Variants in C18orf63 observed in about 807,000 individuals in gnomAD.
C18orf63 encodes the protein uncharacterized protein C18orf63.
A neutral mutation model predicts 75.3 loss-of-function variants in C18orf63; 50 were observed. The ratio of observed to expected loss-of-function variants is 0.66; its 90% confidence interval spans 0.53 to 0.84. The LOEUF is 0.84. C18orf63 is among the 40% of genes least tolerant of loss of function. The pLI, the probability that C18orf63 is intolerant of heterozygous loss-of-function variation, is 0.00. For missense variants in C18orf63, 732 were observed against 800.2 expected, an observed-to-expected ratio of 0.91 and a Z score of 1.03; for synonymous variants, 232 against 267.6, an observed-to-expected ratio of 0.87 and a Z score of 1.30.
chr18:74,343,380 T>C, intron 10 of C18orf63, 139 bp from the exon 11 acceptor site: 1 of 491,118 alleles, frequency 2.0e-6, no homozygotes. Flanking sequence ...GTGGATGGTA[T>C]CAGATAAGCA....
intron 5 of C18orf63, 39 bp downstream of exon 5, chr18:74,328,097 A>G: frequency 8.6e-7 from 1 of 1,167,236 alleles, no homozygotes. Context: ...TTTCTGAACT[A>G]GATTACGTCT....
At chr18:74,337,703 T>C (rs776389552) in intron 7 of C18orf63, among the ~76,000 whole-genome samples, 1 of 152,174 alleles carries the variant, frequency 6.6e-6, no homozygotes, top group Non-Finnish European at 1.5e-5. Context: ...TCATTCTGCG[T>C]GTCCTTGCTC....
At chr18:74,341,733 C>CAA (rs11415690) in intron 8 of C18orf63, among the ~76,000 whole-genome samples, 1 of 136,582 alleles carries the variant, frequency 7.3e-6, no homozygotes, top group African/African-American at 2.6e-5. Context: ...TGGTCTACCA[C>CAA]AAAAAAAAAA....
rs1984703254 is a variant in C18orf63, at chr18:74,353,380, G to A, written c.1113G>A (p.Glu371=). ...PCSVAVDHKV[E]LSVSQPTSGI... is the part of the protein sequence containing the mutation. ...CAGTAGCAGTGGACCACAAGGTGGA[G>A]CTTTCAGTCAGCCAGCCAACATCAG... The change falls in exon 12 of 14, where the codon GAG becomes GAA. Residue 371 remains glutamate (E), a synonymous_variant. Transcript: ENST00000579455. 2.0e-6 allele frequency: 3 copies of A among 1,536,230 alleles called. No individual in the cohort carries two copies. Among genetic ancestry groups the A allele is most frequent in the African/African-American group, 1.4e-5 (1 of 73,026 alleles).
chr18:74,344,174 T>C (rs905958419), intron 11 of C18orf63, among the ~76,000 whole-genome samples: 1 of 152,128 alleles, frequency 6.6e-6, no homozygotes, highest in African/African-American at 2.4e-5. Context: ...TCTGATTTCA[T>C]TAAGAAATTA....
chr18:74,344,288 CT>C (rs1319589670), intron 11 of C18orf63, among the ~76,000 whole-genome samples: 5 of 152,136 alleles, frequency 3.3e-5, no homozygotes, highest in Non-Finnish European at 7.4e-5. Context: ...GAAGACTTAA[CT>C]TGAAATCAGA....
chr18:74,323,777 C>G (rs572447242), intron 4 of C18orf63, among the ~76,000 whole-genome samples: 6 of 152,292 alleles, frequency 3.9e-5, no homozygotes, highest in African/African-American at 1.4e-4. Context: ...GAAAATAATT[C>G]AGTTCCCAGC....
At chr18:74,344,805 A>G (rs993936933) in intron 11 of C18orf63, among the ~76,000 whole-genome samples, 10 of 152,166 alleles carry the variant, frequency 6.6e-5, no homozygotes, top group Non-Finnish European at 1.3e-4. Flanking sequence ...TTATGCTGCA[A>G]TTTATTCAGA....
intron 4 of C18orf63, among the ~76,000 whole-genome samples, chr18:74,327,139 C>A (rs755417351): frequency 6.6e-6 from 1 of 152,034 alleles, no homozygotes; most frequent in Non-Finnish European, 1.5e-5. Context: ...TAGGATTAAA[C>A]AAGTTTTATT....
Position 74,353,348 on chromosome 18 carries a change from C to T in C18orf63, c.1081C>T (p.Pro361Ser), listed in dbSNP as rs189807268. 3.4e-5 allele frequency: 52 copies of T among 1,536,490 alleles called. 1 individual carries two copies. The East Asian group carries it at 1.3e-3, about 38-fold the overall frequency. The change falls in exon 12 of 14, where the codon CCA becomes TCA. Residue 361 changes from proline (P) to serine (S), a missense_variant. Transcript: ENST00000579455. Reference protein sequence around the residue: ...RKPACAQSLLPCSVAVDHKVE... With the variant: ...RKPACAQSLLSCSVAVDHKVE... ...GCCTGCCTGTGCTCAAAGTCTTCTA[C>T]CATGTTCAGTAGCAGTGGACCACAA...
At position 74,353,893 on chromosome 18, in the gene C18orf63, A is replaced by G. The variant is rs1361462043; in HGVS notation, c.1626A>G (p.Leu542=). The G allele has an allele frequency of 1.3e-6, 2 of 1,536,070 alleles. No homozygotes were observed. ...STVSLNKNKQ[L]SNSAVFVVSN... ...TGAGTTTAAACAAAAATAAGCAACT[A>G]TCTAATAGTGCAGTATTTGTGGTGT... The change falls in exon 12 of 14, where the codon CTA becomes CTG. Residue 542 remains leucine (L), a synonymous_variant. Transcript: ENST00000579455.
chr18:74,323,656 C>A (rs1984161669), intron 4 of C18orf63, among the ~76,000 whole-genome samples: 1 of 152,160 alleles, frequency 6.6e-6, no homozygotes, highest in Non-Finnish European at 1.5e-5. Context: ...GCAATCTCTA[C>A]CATATTCTAT....
At chr18:74,337,002 G>A (rs1166274422) in intron 7 of C18orf63, among the ~76,000 whole-genome samples, 1 of 151,794 alleles carries the variant, frequency 6.6e-6, no homozygotes, top group Non-Finnish European at 1.5e-5. Flanking sequence ...CTCCATATGG[G>A]CCTGTTTCCA....
Position 74,353,789 on chromosome 18 carries a change from T to C in C18orf63, c.1522T>C (p.Ser508Pro). The C allele has an allele frequency of 6.5e-7, 1 of 1,535,946 alleles. No homozygotes were observed. The highest frequency in any genetic ancestry group is 8.7e-7 in the Non-Finnish European group (1 of 1,146,834). Reference sequence around the variant, plus strand: ...TGCTAACAATTTAAATCAGGAGAATTCCAGACCTCTGCAAGAAAAAAATAC... The same window carrying C: ...TGCTAACAATTTAAATCAGGAGAATCCCAGACCTCTGCAAGAAAAAAATAC... ...QAANNLNQEN[S>P]RPLQEKNTES... The change falls in exon 12 of 14, where the codon TCC becomes CCC. Residue 508 changes from serine to proline, a missense_variant. Coordinates refer to ENST00000579455, the MANE Select transcript of C18orf63 (RefSeq NM_001174123.2).
chr18:74,316,846 A>G (rs78432258), intron 1 of C18orf63, among the ~76,000 whole-genome samples: 1 of 152,352 alleles, frequency 6.6e-6, no homozygotes, highest in African/African-American at 2.4e-5. Flanking sequence ...AAACAATAGT[A>G]ATAATTCTAA....
intron 10 of C18orf63, 87 bp from the exon 11 acceptor site, chr18:74,343,432 A>ATTGCTACT (rs754012269): frequency 2.3e-5 from 18 of 767,820 alleles, no homozygotes; most frequent in Non-Finnish European, 3.6e-5. Flanking sequence ...CCTTTTTAAC[A>ATTGCTACT]TTGCTACTTT....
chr18:74,334,615 G>T (rs926743948), intron 7 of C18orf63, among the ~76,000 whole-genome samples: 1 of 152,004 alleles, frequency 6.6e-6, no homozygotes, highest in South Asian at 2.1e-4. Flanking sequence ...TGAGATTCTG[G>T]TTTTTTTCTT....
chr18:74,344,205 A>C (rs1345194664), intron 11 of C18orf63, among the ~76,000 whole-genome samples: 1 of 152,164 alleles, frequency 6.6e-6, no homozygotes, highest in Non-Finnish European at 1.5e-5. Flanking sequence ...CTGTCTGCTA[A>C]TGGACAAGTT....
chr18:74,324,840 A>G (rs773168452), intron 4 of C18orf63, among the ~76,000 whole-genome samples: 1 of 152,088 alleles, frequency 6.6e-6, no homozygotes, highest in Non-Finnish European at 1.5e-5. Flanking sequence ...TTCTATTCCT[A>G]TAAACTAAAT....
Sources: gnomAD v4.1 joint callset for allele counts (sites outside exome capture counted in the v4.1 genomes callset) on GRCh38, gnomAD v4.1.1 for gene constraint, MANE v1.5 for transcripts, NCBI Gene and HGNC (gene_info 2026-07-23, HGNC 2026-07-21) for gene names.